The following YJU2 variants were observed in gnomAD, a reference collection of about 807,000 sequenced individuals.
The protein encoded by YJU2 is YJU2 splicing factor homolog, also known as splicing factor YJU2.
In YJU2, 28 loss-of-function variants were observed where a neutral mutation model predicts 39.6. The ratio of observed to expected loss-of-function variants is 0.71; its 90% CI spans 0.52 to 0.97. The LOEUF (loss-of-function observed/expected upper bound fraction) is 0.97. Ranked by LOEUF, YJU2 falls within the 50% of genes least tolerant of loss-of-function variation. The pLI is 0.00. For missense variants in YJU2, 328 were observed against 430.4 expected, an observed-to-expected ratio of 0.76 and a Z score of 2.11; for synonymous variants, 184 against 182.4, an observed-to-expected ratio of 1.01 and a Z score of -0.07.
At chr19:4,252,320 C>T (rs971667110) in intron 3 of YJU2, among the ~76,000 whole-genome samples, 18 of 151,660 alleles carry the variant, frequency 1.2e-4, no homozygotes, top group East Asian at 3.9e-4. Flanking sequence ...AAAAATAGGC[C>T]GGGCGCAGTG....
At chr19:4,257,066 A>G (rs76720176) in intron 4 of YJU2, among the ~76,000 whole-genome samples, 311 of 152,206 alleles carry the variant, frequency 2.0e-3, no homozygotes, top group Non-Finnish European at 3.5e-3. Context: ...AAGGGTAAAT[A>G]CAACAAGGTC....
At chr19:4,249,356 A>G in intron 2 of YJU2, 28 bp downstream of exon 2, 2 of 1,475,106 alleles carry the variant, frequency 1.4e-6, no homozygotes, top group Non-Finnish European at 1.9e-6. Context: ...GACCCCACAC[A>G]CCAGTCATGG....
At chr19:4,263,073 CAA>C (rs748864015) in intron 6 of YJU2, among the ~76,000 whole-genome samples, 33 of 106,394 alleles carry the variant, frequency 3.1e-4, no homozygotes, top group South Asian at 1.9e-3. Flanking sequence ...GACTCTGTCT[CAA>C]AAAAAAAAAA....
intron 6 of YJU2, among the ~76,000 whole-genome samples, chr19:4,264,464 C>T (rs185587213): frequency 4.7e-5 from 7 of 149,412 alleles, no homozygotes; most frequent in African/African-American, 9.8e-5. Flanking sequence ...CGCACCACCA[C>T]GCCTGGCTAA....
intron 6 of YJU2, among the ~76,000 whole-genome samples, chr19:4,264,058 C>T (rs939166050): frequency 5.9e-5 from 9 of 151,466 alleles, no homozygotes; most frequent in African/African-American, 1.9e-4. Context: ...GTCAGGAGAT[C>T]GAGATCATCC....
At chr19:4,264,059 G>T (rs1056346584) in intron 6 of YJU2, among the ~76,000 whole-genome samples, 27 of 151,616 alleles carry the variant, frequency 1.8e-4, no homozygotes, top group Admixed American at 1.5e-3. Context: ...TCAGGAGATC[G>T]AGATCATCCT....
intron 3 of YJU2, among the ~76,000 whole-genome samples, chr19:4,253,251 AAAAG>A (rs1165003149): frequency 1.3e-5 from 2 of 150,934 alleles, no homozygotes; most frequent in Non-Finnish European, 2.9e-5. Flanking sequence ...TTTAATTAAA[AAAAG>A]AAACTAAAGG....
chr19:4,247,735 C>T (rs990648002), intron 1 of YJU2, among the ~76,000 whole-genome samples: 10 of 145,916 alleles, frequency 6.9e-5, no homozygotes, highest in African/African-American at 2.3e-4. Context: ...ATGCAGATAA[C>T]CTCTGCCTTA....
At chr19:4,248,810 T>C (rs943479025) in intron 1 of YJU2, among the ~76,000 whole-genome samples, 1 of 151,938 alleles carries the variant, frequency 6.6e-6, no homozygotes, top group African/African-American at 2.4e-5. Flanking sequence ...TCCCAGCTAC[T>C]GTAGAGGCTG....
chr19:4,268,805 C>G lies in YJU2; in HGVS notation c.*109C>G. ...AGGAGGCCTTGGCGTGACTGGAGGC[C>G]GGACAGACAAGCGCCAGCGTGCTCC... On this transcript the variant is annotated 3_prime_UTR_variant, in exon 8 of 8. Coordinates refer to ENST00000262962, the MANE Select transcript of YJU2 (RefSeq NM_018074.6). 1 of 781,130 alleles carries G rather than the reference C, an allele frequency of 1.3e-6. No individual in the cohort carries two copies. The highest frequency in any genetic ancestry group is 2.3e-5 in the Admixed American group (1 of 44,162). The allele number at this position is 781,130 out of a possible 1,614,324, so 48.4% of individuals were successfully genotyped here. A position where few individuals can be genotyped will look rare whatever the true frequency, so the allele number is the denominator to read the frequency against.
At chr19:4,250,763 T>C (rs1166703462) in intron 2 of YJU2, among the ~76,000 whole-genome samples, 1 of 151,404 alleles carries the variant, frequency 6.6e-6, no homozygotes, top group Non-Finnish European at 1.5e-5. Flanking sequence ...CTTCTGGGAG[T>C]GCATGACAGG....
At chr19:4,261,900 C>T in intron 5 of YJU2, 94 bp from the exon 6 acceptor site, 1 of 1,374,972 alleles carries the variant, frequency 7.3e-7, no homozygotes, top group Non-Finnish European at 1.0e-6. Flanking sequence ...GAAGAGGTCT[C>T]CAGGCACCCA....
intron 4 of YJU2, among the ~76,000 whole-genome samples, chr19:4,256,997 G>T (rs1971026999): frequency 6.6e-6 from 1 of 152,184 alleles, no homozygotes; most frequent in Admixed American, 6.6e-5. Flanking sequence ...CCCTTAAATG[G>T]AGGAGCATCA....
rs1443377407 is a variant in YJU2 at position 4,268,904 on chromosome 19, C to T, written c.*208C>T. The T allele has an allele frequency of 5.2e-6, 3 of 573,238 alleles. No homozygotes were observed. Among genetic ancestry groups the T allele is most frequent in the South Asian group, 2.0e-5 (1 of 49,372 alleles). 35.5% of individuals were successfully genotyped at this position (573,238 alleles called of 1,614,324 possible). On this transcript the variant is annotated 3_prime_UTR_variant, in exon 8 of 8. Transcript: ENST00000262962. ...TGCCCTCACCAGCCTCTCAACACCT[C>T]GGGGACCCCTGCTGCTCCTGCCCCC...
chr19:4,252,789 G>T (rs1970987899), intron 3 of YJU2, among the ~76,000 whole-genome samples: 1 of 151,590 alleles, frequency 6.6e-6, no homozygotes, highest in African/African-American at 2.4e-5. Flanking sequence ...AGCTGGGCAT[G>T]ATGGCATGCG....
At chr19:4,251,578 G>A (rs1005403626) in intron 3 of YJU2, among the ~76,000 whole-genome samples, 5 of 151,660 alleles carry the variant, frequency 3.3e-5, no homozygotes, top group African/African-American at 7.3e-5. Context: ...CCAGTTACTC[G>A]AGAGGCTAAG....
At chr19:4,264,033 C>T (rs907787499) in intron 6 of YJU2, among the ~76,000 whole-genome samples, 5 of 151,662 alleles carry the variant, frequency 3.3e-5, no homozygotes, top group Non-Finnish European at 7.4e-5. Flanking sequence ...GAGGCCAAGG[C>T]GGGTGGATCA....
At chr19:4,251,948 T>C (rs748540587) in intron 3 of YJU2, among the ~76,000 whole-genome samples, 4 of 151,844 alleles carry the variant, frequency 2.6e-5, no homozygotes, top group East Asian at 1.9e-4. Context: ...CATTGCGCCA[T>C]TGCACTCCAG....
intron 4 of YJU2, among the ~76,000 whole-genome samples, chr19:4,257,536 C>CA (rs998256828): frequency 4.3e-4 from 66 of 151,818 alleles, no homozygotes; most frequent in African/African-American, 1.5e-3. Flanking sequence ...TCCAGTGGTG[C>CA]AATCTTGGTT....
Sources: allele counts gnomAD v4.1 joint callset (sites outside exome capture counted in the v4.1 genomes callset), GRCh38; gene constraint gnomAD v4.1.1; transcripts MANE v1.5; gene names NCBI Gene and HGNC (gene_info 2026-07-23, HGNC 2026-07-21).